The following MYH11 variants were observed in gnomAD, a reference collection of about 807,000 sequenced individuals.
MYH11 encodes the protein myosin heavy chain 11, also known as myosin-11.
A neutral mutation model predicts 246.6 loss-of-function variants in MYH11; 80 were observed. The ratio of observed to expected loss-of-function variants is 0.32; its 90% CI spans 0.27 to 0.39. The LOEUF (loss-of-function observed/expected upper bound fraction) is 0.39. Among genes scored for constraint, MYH11 ranks in the 10% least tolerant of loss-of-function variants. The pLI is 1.00. For synonymous variants in MYH11, 1,071 were observed against 1,015.5 expected (o/e 1.05, Z -1.04); for missense variants, 2,158 against 2,546.8 (o/e 0.85, Z 3.29).
At chr16:15,772,545 T>C (rs2042128195) in intron 8 of MYH11, among the ~76,000 whole-genome samples, 1 of 152,230 alleles carries the variant, frequency 6.6e-6, no homozygotes, top group Non-Finnish European at 1.5e-5. Context: ...CTTTTATCTC[T>C]TTTAGCTGCT....
At chr16:15,846,077 C>T (rs971512997) in intron 1 of MYH11, among the ~76,000 whole-genome samples, 4 of 151,982 alleles carry the variant, frequency 2.6e-5, no homozygotes, top group Non-Finnish European at 5.9e-5. Flanking sequence ...CCAGCCTTGG[C>T]GACAGAGTCA....
intron 9 of MYH11, among the ~76,000 whole-genome samples, chr16:15,771,258 G>T (rs546904691): frequency 6.6e-6 from 1 of 151,644 alleles, no homozygotes; most frequent in Non-Finnish European, 1.5e-5. Flanking sequence ...CCTTGGCCCC[G>T]CAAAGCGCTG....
At chr16:15,825,518 T>C (rs1251152545) in intron 2 of MYH11, among the ~76,000 whole-genome samples, 1 of 152,036 alleles carries the variant, frequency 6.6e-6, no homozygotes, top group African/African-American at 2.4e-5. Context: ...GATTGTACCA[T>C]TGCACTCTAG....
At chr16:15,727,410 A>C (rs759195666) in intron 27 of MYH11, among the ~76,000 whole-genome samples, 3 of 152,084 alleles carry the variant, frequency 2.0e-5, no homozygotes, top group Non-Finnish European at 4.4e-5. Flanking sequence ...CATGTTAGCC[A>C]GGCTGCTCTC....
chr16:15,778,639 T>G lies in MYH11; in HGVS notation c.790+141A>C, dbSNP rs2042277472. ...TGTATAACCACTGCACCACAATGCC[T>G]GCTGTTAAGGGGAGATTTGTTCTGG... is the stretch of plus-strand genomic sequence containing the variant. On this transcript the variant is annotated intron_variant, in intron 7 of 40. Coordinates refer to ENST00000300036, the MANE Select transcript of MYH11 (RefSeq NM_002474.3). 8 of 871,582 alleles carry G rather than the reference T, an allele frequency of 9.2e-6. No individual in the cohort carries two copies. The South Asian group carries it at 1.1e-4, about 12-fold the overall frequency. 54.0% of individuals were successfully genotyped at this position (871,582 alleles called of 1,614,324 possible). A position where few individuals can be genotyped will look rare whatever the true frequency, so the allele number is the denominator to read the frequency against.
intron 24 of MYH11, among the ~76,000 whole-genome samples, chr16:15,737,955 G>C (rs2151244967): frequency 6.6e-6 from 1 of 152,144 alleles, no homozygotes; most frequent in South Asian, 2.1e-4. Context: ...ACCACGCCTG[G>C]CTAATTTTTG....
At chr16:15,845,918 C>G (rs2044179132) in intron 1 of MYH11, among the ~76,000 whole-genome samples, 1 of 151,988 alleles carries the variant, frequency 6.6e-6, no homozygotes, top group Non-Finnish European at 1.5e-5. Context: ...ATTGTGAAAC[C>G]CTGTCTCTAC....
intron 9 of MYH11, among the ~76,000 whole-genome samples, chr16:15,768,656 A>G (rs1201502857): frequency 6.6e-6 from 1 of 152,160 alleles, no homozygotes; most frequent in African/African-American, 2.4e-5. Context: ...CTTTCCTTAC[A>G]TTTGTTTTAA....
At chr16:15,791,654 A>G (rs911234816) in intron 4 of MYH11, 1 of 150,962 alleles carries the variant, frequency 6.6e-6, no homozygotes, top group Non-Finnish European at 1.5e-5. Flanking sequence ...GGTATAATAA[A>G]AACACTTACC....
At chr16:15,826,932 G>C (rs1444565341) in intron 2 of MYH11, among the ~76,000 whole-genome samples, 1 of 149,724 alleles carries the variant, frequency 6.7e-6, no homozygotes, top group Non-Finnish European at 1.5e-5. Flanking sequence ...GGTGGAGGGA[G>C]GTTGTAGTGA....
chr16:15,762,550 G>A (rs1261227651), intron 10 of MYH11, among the ~76,000 whole-genome samples: 1 of 152,002 alleles, frequency 6.6e-6, no homozygotes, highest in Non-Finnish European at 1.5e-5. Flanking sequence ...CGAGAAACTG[G>A]CTCATCTGAT....
At chr16:15,836,116 G>A (rs1188792455) in intron 2 of MYH11, among the ~76,000 whole-genome samples, 1 of 152,118 alleles carries the variant, frequency 6.6e-6, no homozygotes, top group Non-Finnish European at 1.5e-5. Flanking sequence ...AGAGGCATGA[G>A]GTAACCTGCT....
In MYH11 at chr16:15,748,164, C is replaced by G; in HGVS notation, c.2063G>C (p.Gly688Ala). 6.2e-7 allele frequency: 1 copy of G among 1,613,714 alleles called. No homozygotes were observed. The highest frequency in any genetic ancestry group is 1.1e-5 in the South Asian group (1 of 91,088). ...CIIPNHEKRS[G>A]KLDAFLVLEQ... ...CAGCACCAGGAACGCATCCAGCTTG[C>G]CGGACTGCAAAGGTCAAAGAGGGCA... Residue 688 changes from glycine to alanine, a missense_variant, in exon 17 of 41, where the codon GGC becomes GCC. Transcript: ENST00000300036.
At chr16:15,767,238 A>T (rs1352816799) in intron 9 of MYH11, among the ~76,000 whole-genome samples, 1 of 152,106 alleles carries the variant, frequency 6.6e-6, no homozygotes, top group Non-Finnish European at 1.5e-5. Context: ...ATCATGGATG[A>T]ATAGAGGATA....
At chr16:15,759,846 C>T in intron 11 of MYH11, 118 bp from the exon 12 acceptor site, 1 of 1,353,802 alleles carries the variant, frequency 7.4e-7, no homozygotes, top group Non-Finnish European at 1.0e-6. Flanking sequence ...ACTGTAATCC[C>T]AGCACTTTGG....
chr16:15,723,873 T>C (rs1418235278), intron 31 of MYH11, among the ~76,000 whole-genome samples: 5 of 152,324 alleles, frequency 3.3e-5, no homozygotes, highest in African/African-American at 7.2e-5. Context: ...AAGCACCTCA[T>C]TCCTTCTTCA....
chr16:15,789,179 A>G (rs566877660), intron 4 of MYH11, among the ~76,000 whole-genome samples: 1 of 152,174 alleles, frequency 6.6e-6, no homozygotes, highest in East Asian at 1.9e-4. Context: ...ATGGAAAGTC[A>G]GGTCTCTGAT....
chr16:15,820,342 C>A (rs1272180575), intron 3 of MYH11, among the ~76,000 whole-genome samples: 2 of 151,934 alleles, frequency 1.3e-5, no homozygotes, highest in Non-Finnish European at 2.9e-5. Flanking sequence ...GGTGTGGTGG[C>A]ACATGCCTAT....
chr16:15,742,518 C>T (rs1432342256), intron 20 of MYH11, among the ~76,000 whole-genome samples: 2 of 152,066 alleles, frequency 1.3e-5, no homozygotes, highest in African/African-American at 4.8e-5. Flanking sequence ...GAGGCAAGCG[C>T]TTGAGCCCAG....
Sources: gnomAD v4.1 joint callset for allele counts (sites outside exome capture counted in the v4.1 genomes callset) on GRCh38, gnomAD v4.1.1 for gene constraint, MANE v1.5 for transcripts, NCBI Gene and HGNC (gene_info 2026-07-23, HGNC 2026-07-21) for gene names.